The following MTCL2 variants were observed in gnomAD, a reference collection of about 807,000 sequenced individuals.
MTCL2 encodes microtubule cross-linking factor 2.
the MTCL2 span, among the ~76,000 whole-genome samples, chr20:36,855,125 C>T: frequency 6.6e-6 from 1 of 152,226 alleles, no homozygotes; most frequent in African/African-American, 2.4e-5. Context: ...AACAGGCAAG[C>T]GCCAAGTGCT....
At chr20:36,803,380 T>A in the MTCL2 span, among the ~76,000 whole-genome samples, 9 of 152,298 alleles carry the variant, frequency 5.9e-5, no homozygotes, top group East Asian at 1.7e-3. Flanking sequence ...TCAGAAAGAT[T>A]ACTAGTGGTC....
the MTCL2 span, chr20:36,817,508 G>A: frequency 1.4e-6 from 2 of 1,423,654 alleles, no homozygotes; most frequent in Non-Finnish European, 1.9e-6. Context: ...AAAAAAGTCA[G>A]GACTGAAAGC....
the MTCL2 span, chr20:36,782,988 A>C: frequency 6.6e-5 from 10 of 150,828 alleles, no homozygotes; most frequent in Non-Finnish European, 1.5e-4. Flanking sequence ...AGGAGGGGAG[A>C]GGGAGAAAGA....
At chr20:36,845,254 C>T in the MTCL2 span, among the ~76,000 whole-genome samples, 1 of 152,200 alleles carries the variant, frequency 6.6e-6, no homozygotes, top group Non-Finnish European at 1.5e-5. Flanking sequence ...TATTTCCCCC[C>T]CTAAAAGGGC....
At chr20:36,808,184 T>C in the MTCL2 span, among the ~76,000 whole-genome samples, 1 of 151,352 alleles carries the variant, frequency 6.6e-6, no homozygotes, top group African/African-American at 2.4e-5. Context: ...CAAGAAACCC[T>C]GTCTTTACTT....
chr20:36,810,143 G>A, the MTCL2 span: 2 of 1,557,048 alleles, frequency 1.3e-6, no homozygotes, highest in African/African-American at 1.4e-5. Flanking sequence ...TAATGAGGAG[G>A]GAGAGAGAGG....
the MTCL2 span, among the ~76,000 whole-genome samples, chr20:36,839,794 G>A: frequency 1.3e-5 from 2 of 152,206 alleles, no homozygotes; most frequent in African/African-American, 4.8e-5. This position sits in a 1 kb window ranked among gnomAD's most constrained non-coding sequence, Gnocchi z 5.1. Flanking sequence ...CCCGAGGAAT[G>A]CAGCCCTGCC....
chr20:36,839,517 G>A, the MTCL2 span: 5 of 1,386,294 alleles, frequency 3.6e-6, no homozygotes, highest in South Asian at 5.3e-5. The surrounding 1 kb of genome is among the most constrained non-coding windows in gnomAD (Gnocchi z 5.1). Flanking sequence ...CCACACCTAG[G>A]ACTGAATGAA....
At chr20:36,786,322 C>T in the MTCL2 span, 1 of 1,329,672 alleles carries the variant, frequency 7.5e-7, no homozygotes, top group Non-Finnish European at 9.7e-7. Context: ...CCCGGCTTTA[C>T]CTTGATGTGA....
the MTCL2 span, among the ~76,000 whole-genome samples, chr20:36,831,115 GA>G: frequency 1.3e-5 from 2 of 152,234 alleles, no homozygotes; most frequent in Non-Finnish European, 2.9e-5. Context: ...GGGAAGCCAG[GA>G]AAGGAGGCCT....
the MTCL2 span, chr20:36,828,911 G>T: frequency 1.2e-6 from 1 of 827,670 alleles, no homozygotes. Context: ...CATGTTGGAG[G>T]AATGAATGAA....
chr20:36,777,712 G>A, the MTCL2 span: 4 of 519,462 alleles, frequency 7.7e-6, no homozygotes, highest in Admixed American at 4.3e-5. Context: ...TGCCCTGGGG[G>A]TCCCCCAGGG....
the MTCL2 span, among the ~76,000 whole-genome samples, chr20:36,844,404 AAT>A: frequency 5.0e-4 from 75 of 149,142 alleles, no homozygotes; most frequent in African/African-American, 1.8e-3. Context: ...AAAAAAAAAT[AAT>A]AATAATAATA....
the MTCL2 span, among the ~76,000 whole-genome samples, chr20:36,832,890 G>T: frequency 2.0e-5 from 3 of 151,994 alleles, no homozygotes; most frequent in Admixed American, 6.6e-5. Context: ...AGACTGGGAG[G>T]CAGGAGCCCT....
At chr20:36,831,880 T>C in the MTCL2 span, among the ~76,000 whole-genome samples, 1 of 152,176 alleles carries the variant, frequency 6.6e-6, no homozygotes, top group South Asian at 2.1e-4. Context: ...GGCTGTTAGG[T>C]CACCCAGTAA....
At chr20:36,860,792 G>A in the MTCL2 span, among the ~76,000 whole-genome samples, 2 of 152,302 alleles carry the variant, frequency 1.3e-5, no homozygotes, top group South Asian at 2.1e-4. Flanking sequence ...GTCAGGAAGC[G>A]ACAGACCCCA....
At chr20:36,862,968 C>T in the MTCL2 span, 1 of 1,408,022 alleles carries the variant, frequency 7.1e-7, no homozygotes, top group Non-Finnish European at 9.3e-7. Flanking sequence ...CTCCGACGCG[C>T]AGTCCGACAC....
chr20:36,862,632 C>A, the MTCL2 span: 1 of 1,484,476 alleles, frequency 6.7e-7, no homozygotes, highest in Non-Finnish European at 8.9e-7. Flanking sequence ...CCCCTGCGAC[C>A]TCCCTTTCTA....
chr20:36,835,285 A>C, the MTCL2 span, among the ~76,000 whole-genome samples: 4 of 152,160 alleles, frequency 2.6e-5, no homozygotes, highest in Admixed American at 2.6e-4. Context: ...GGTGAGGACC[A>C]GCAGAGAGGG....
Sources: gnomAD v4.1 joint callset for allele counts (sites outside exome capture counted in the v4.1 genomes callset) on GRCh38, gnomAD v4.1.1 for gene constraint, Gnocchi (gnomAD v3.1) non-coding constraint, MANE v1.5 for transcripts, NCBI Gene and HGNC (gene_info 2026-07-23, HGNC 2026-07-21) for gene names.